The following NUP214 variants were observed in gnomAD, a reference collection of about 807,000 sequenced individuals.
NUP214 encodes the protein nuclear pore complex protein Nup214.
A neutral mutation model predicts 196.2 loss-of-function variants in NUP214; 79 were observed. The observed-to-expected ratio is 0.40, with a 90% CI of 0.34 to 0.49. NUP214 has a LOEUF of 0.49. NUP214 is among the 20% of genes least tolerant of loss of function. The pLI is 0.58. For synonymous variants in NUP214, 1,020 were observed against 990.5 expected (o/e 1.03, Z -0.56); for missense variants, 2,468 against 2,539.0 (o/e 0.97, Z 0.60).
At chr9:131,187,077 G>A in intron 24 of NUP214, 1 of 540,462 alleles carries the variant, frequency 1.9e-6, no homozygotes, top group Non-Finnish European at 3.3e-6. Flanking sequence ...AAGTTATAAG[G>A]CCACTGCTTT....
At position 131,228,168 on chromosome 9, in the gene NUP214, G is replaced by A. The variant is rs1341702829; in HGVS notation, c.5911G>A (p.Gly1971Ser). 9 of 1,578,192 alleles carry A rather than the reference G, an allele frequency of 5.7e-6. No individual in the cohort carries two copies. The highest frequency in any genetic ancestry group is 2.8e-5 in the African/African-American group (2 of 72,066). The change falls in exon 33 of 36, where the codon GGT (glycine) becomes AGT (serine). Residue 1971 changes from glycine (G) to serine (S), a missense_variant. Gly to Ser is a moderately conservative substitution (Grantham distance 56). This residue lies in a region of NUP214 where 262 missense variants were observed against 296.5 expected (regional missense o/e 0.88). Coordinates refer to ENST00000359428, the MANE Select transcript of NUP214 (RefSeq NM_005085.4). ...FSSPNKTGGF[G>S]AAPVFGSPPT... ...GCCTCTGTTTTGCTCAGGTGGCTTC[G>A]GTGCTGCTCCAGTGTTTGGCAGCCC...
In NUP214 at chr9:131,198,715, A is replaced by G. The variant is rs1235395167; in HGVS notation, c.5221A>G (p.Ser1741Gly). 1 of 1,614,064 alleles carries G rather than the reference A, an allele frequency of 6.2e-7. No homozygotes were observed. Among genetic ancestry groups the G allele is most frequent in the Non-Finnish European group, 8.5e-7 (1 of 1,180,040 alleles). Residue 1741 changes from serine to glycine, a missense_variant, in exon 29 of 36, where the codon AGT becomes GGT. Physicochemically the swap from Ser to Gly is moderately conservative, Grantham distance 56 (BLOSUM62 0). This residue lies in a region of NUP214 where 1,801 missense variants were observed against 1,779.4 expected (regional missense o/e 1.01). Transcript: ENST00000359428. Reference sequence around the variant, plus strand: ...TGGGCAGTCGGCGAGCAGTGCTGCAAGTGTCTTTTCCTTCAGTCAGCCTGG... The same window carrying G: ...TGGGCAGTCGGCGAGCAGTGCTGCAGGTGTCTTTTCCTTCAGTCAGCCTGG... ...VFGQSASSAA[S>G]VFSFSQPGFS...
Position 131,197,818 on chromosome 9 carries a change from G to A in NUP214, c.4324G>A (p.Gly1442Arg). 8.1e-6 allele frequency: 13 copies of A among 1,613,736 alleles called. No homozygotes were observed. Among genetic ancestry groups the A allele is most frequent in the Non-Finnish European group, 1.0e-5 (12 of 1,180,012 alleles). The change falls in exon 29 of 36, where the codon GGA becomes AGA. Residue 1442 changes from glycine to arginine, a missense_variant. By Grantham distance (125) the Gly-to-Arg change is moderately radical (BLOSUM62 -2). Transcript: ENST00000359428. ...TGCTGGCAAGACTAGTTTTTCATTT[G>A]GAAGCCAACAGACCAATAGCACAGT... ...LSAGKTSFSF[G>R]SQQTNSTVPP...
intron 32 of NUP214, among the ~76,000 whole-genome samples, chr9:131,227,667 A>G (rs1040865109): frequency 5.3e-5 from 8 of 152,234 alleles, no homozygotes; most frequent in African/African-American, 1.9e-4. Context: ...TGATTTTATA[A>G]TTTGGGTTTC....
In NUP214 at chr9:131,189,102, G is replaced by A. The variant is rs577750090; in HGVS notation, c.3545G>A (p.Gly1182Asp). ...CCATCTGGGCCTACACCAGCATCCGGTCAGTTATCATCTGGTGACAAAGCT... is the reference window on the plus strand; with the variant it reads ...CCATCTGGGCCTACACCAGCATCCGATCAGTTATCATCTGGTGACAAAGCT... ...LKPSGPTPAS[G>D]QLSSGDKASG... The change falls in exon 26 of 36, where the codon GGT (glycine) becomes GAT (aspartate). Residue 1182 changes from glycine to aspartate, a missense_variant. Transcript: ENST00000359428. 7 of 1,613,992 alleles carry A rather than the reference G, an allele frequency of 4.3e-6. No homozygotes were observed. The South Asian group carries it at 6.6e-5, about 15-fold the overall frequency.
Position 131,170,627 on chromosome 9 carries a change from C to T in NUP214, c.2894-3428C>T, listed in dbSNP as rs1486180459. 5.9e-5 allele frequency among the ~76,000 whole-genome samples: 9 copies of T among 151,890 alleles called. No individual in the cohort carries two copies. The South Asian group carries it at 6.2e-4, about 10-fold the overall frequency. ...TTATGGTTTATGTTGGATGTAGTATCGAGAAATACCATTGATTTATGTGTA... is the reference window on the plus strand; with the variant it reads ...TTATGGTTTATGTTGGATGTAGTATTGAGAAATACCATTGATTTATGTGTA... On this transcript the variant is annotated intron_variant, in intron 21 of 35. Transcript: ENST00000359428.
intron 17 of NUP214, among the ~76,000 whole-genome samples, chr9:131,152,412 A>C (rs1397570473): frequency 2.0e-5 from 3 of 152,144 alleles, no homozygotes; most frequent in Non-Finnish European, 1.5e-5. Context: ...TGACTGGCCA[A>C]AATTTTTTAT....
rs1248774561 is a variant in NUP214 at position 131,187,453 on chromosome 9, C to G, written c.3495+89C>G. ...CCAGGCTCAAGTGCAGTGGTGCGAT[C>G]TTGGCTCACCGCAACCTCTGCCTCC... On this transcript the variant is annotated intron_variant, in intron 25 of 35. Transcript: ENST00000359428. The G allele has an allele frequency of 4.2e-6, 4 of 943,330 alleles. No individual in the cohort carries two copies. The African/African-American group carries it at 7.1e-5, about 17-fold the overall frequency. 58.4% of individuals were successfully genotyped at this position (943,330 alleles called of 1,614,324 possible). A position where few individuals can be genotyped will look rare whatever the true frequency, so the allele number is the denominator to read the frequency against.
At chr9:131,181,414 C>T (rs139002971) in intron 24 of NUP214, among the ~76,000 whole-genome samples, 1 of 152,234 alleles carries the variant, frequency 6.6e-6, no homozygotes, top group East Asian at 1.9e-4. Flanking sequence ...AACTGGTTTA[C>T]AGAGGTGCTG....
intron 21 of NUP214, among the ~76,000 whole-genome samples, chr9:131,173,113 A>G (rs979729985): frequency 2.6e-5 from 4 of 152,112 alleles, no homozygotes; most frequent in Non-Finnish European, 4.4e-5. Context: ...CTGCAGTGCA[A>G]TGGTGCAATC....
rs1324028986 is a variant in NUP214, at chr9:131,234,233, TGGCAGTGACATTG to T, written c.*748_*760del. ...GAAGACAGCCTTTATATTCTGTATG[TGGCAGTGACATTG>T]GTAGCCACACCTACCCAGTGTCTAC... On this transcript the variant is annotated 3_prime_UTR_variant, in exon 36 of 36. Transcript: ENST00000359428. 2 of 232,808 alleles carry T rather than the reference TGGCAGTGACATTG, an allele frequency of 8.6e-6. No homozygotes were observed. The highest frequency in any genetic ancestry group is 2.2e-5 in the African/African-American group (1 of 45,320). The allele number at this position is 232,808 out of a possible 1,614,324, so 14.4% of individuals were successfully genotyped here.
chr9:131,214,604 C>T lies in NUP214; in HGVS notation c.5593-608C>T, dbSNP rs145312609. 1.8e-3 allele frequency among the ~76,000 whole-genome samples: 276 copies of T among 152,284 alleles called. 2 individuals carry two copies. Among genetic ancestry groups the T allele is most frequent in the African/African-American group, 6.3e-3 (263 of 41,576 alleles). Reference sequence around the variant, plus strand: ...AAGTGTCTGGGACCTGACACAGCCTCGAGTCAGCATTTGCCCCTGTGCTAG... The same window carrying T: ...AAGTGTCTGGGACCTGACACAGCCTTGAGTCAGCATTTGCCCCTGTGCTAG... On this transcript the variant is annotated intron_variant, in intron 30 of 35. Coordinates refer to ENST00000359428, the MANE Select transcript of NUP214 (RefSeq NM_005085.4).
chr9:131,150,208 A>G (rs11244305), intron 14 of NUP214, 116 bp from the exon 15 acceptor site: 167,270 of 808,268 alleles, frequency 0.21, 18,669 homozygotes, highest in South Asian at 0.23. Flanking sequence ...ATTCGTTACA[A>G]TGAGTGAAGA....
At chr9:131,135,189 A>G in intron 8 of NUP214, 185 bp downstream of exon 8, 1 of 523,922 alleles carries the variant, frequency 1.9e-6, no homozygotes, top group Non-Finnish European at 3.4e-6. Flanking sequence ...TCCCAGGCTC[A>G]AGTGATCCTT....
intron 4 of NUP214, 117 bp downstream of exon 4, chr9:131,129,594 G>A (rs1232856817): frequency 1.0e-6 from 1 of 965,756 alleles, no homozygotes; most frequent in Non-Finnish European, 1.6e-6. Flanking sequence ...TTCATGACGA[G>A]GGAGGTTAAG....
intron 30 of NUP214, among the ~76,000 whole-genome samples, chr9:131,208,225 A>G (rs1834136976): frequency 6.6e-6 from 1 of 152,254 alleles, no homozygotes; most frequent in Non-Finnish European, 1.5e-5. Context: ...GCTCTGGGGT[A>G]GAATACCCAA....
chr9:131,223,711 T>TTTTATTTATTTA (rs1371826550), intron 32 of NUP214, among the ~76,000 whole-genome samples: 1,063 of 27,006 alleles, frequency 0.039, 132 homozygotes, highest in Middle Eastern at 0.097. Context: ...TTTTTTTTAT[T>TTTTATTTATTTA]TTTATTTATT....
chr9:131,221,332 T>A (rs1049698670), intron 31 of NUP214, among the ~76,000 whole-genome samples: 2 of 152,230 alleles, frequency 1.3e-5, no homozygotes, highest in Non-Finnish European at 1.5e-5. Flanking sequence ...GCAGTGGTTT[T>A]ATAGGGCAGT....
At chr9:131,143,883 C>G (rs537593402) in intron 11 of NUP214, among the ~76,000 whole-genome samples, 1 of 152,080 alleles carries the variant, frequency 6.6e-6, no homozygotes, top group Non-Finnish European at 1.5e-5. Context: ...ATCAATTTGC[C>G]TCCTTTGTTT....
Sources: allele counts gnomAD v4.1 joint callset (sites outside exome capture counted in the v4.1 genomes callset), GRCh38; gene constraint gnomAD v4.1.1; regional missense constraint gnomAD v4.1.1; transcripts MANE v1.5; gene names NCBI Gene and HGNC (gene_info 2026-07-23, HGNC 2026-07-21).